The following DLG1 variants were observed in gnomAD, a reference collection of about 807,000 sequenced individuals.
DLG1 encodes the protein discs large MAGUK scaffold protein 1.
In DLG1, 42 loss-of-function variants were observed where a neutral mutation model predicts 123.4. The observed-to-expected ratio is 0.34, with a 90% CI of 0.27 to 0.44. The LOEUF (loss-of-function observed/expected upper bound fraction) is 0.44, where lower values mean the gene tolerates loss of function less well. Among genes scored for constraint, DLG1 ranks in the 20% least tolerant of loss-of-function variants. DLG1 has a pLI of 1.00. For synonymous variants in DLG1, 317 were observed against 356.2 expected (o/e 0.89, Z 1.24); for missense variants, 942 against 1,082.6 (o/e 0.87, Z 1.82).
chr3:197,293,949 G>A (rs369344008), intron 3 of DLG1: 5 of 152,782 alleles, frequency 3.3e-5, no homozygotes, highest in Admixed American at 1.3e-4. Context: ...CTTCTGAGTC[G>A]GATTTTTCTG....
intron 13 of DLG1, among the ~76,000 whole-genome samples, chr3:197,114,565 C>G (rs1448584248): frequency 2.0e-5 from 3 of 152,188 alleles, no homozygotes; most frequent in Non-Finnish European, 4.4e-5. Flanking sequence ...GGAACCATTG[C>G]TGAAAGCACA....
At chr3:197,080,266 CCT>C (rs1560519309) in intron 17 of DLG1, among the ~76,000 whole-genome samples, 1 of 100,846 alleles carries the variant, frequency 9.9e-6, no homozygotes, top group Non-Finnish European at 1.9e-5. Context: ...TGATATATTT[CCT>C]TTTTTTTTTT....
rs141698704 is a variant in DLG1 at position 197,148,945 on chromosome 3, AC to A, written c.537+797del. 5.3e-3 allele frequency among the ~76,000 whole-genome samples: 805 copies of A among 152,302 alleles called. 4 individuals are homozygous for A. The highest frequency in any genetic ancestry group is 8.3e-3 in the Non-Finnish European group (563 of 68,022). ...TGTCACCAGCAGAATGTACTGACAA[AC>A]TTTTTGCTCTTTTGATAACATAATG... On this transcript the variant is annotated intron_variant, in intron 6 of 24. Coordinates refer to ENST00000667157, the MANE Select transcript of DLG1 (RefSeq NM_001366207.1).
chr3:197,244,394 C>G (rs920107520), intron 4 of DLG1, among the ~76,000 whole-genome samples: 2 of 152,172 alleles, frequency 1.3e-5, no homozygotes, highest in Non-Finnish European at 2.9e-5. Flanking sequence ...GCATAGCAAT[C>G]ATTTTTGTTT....
chr3:197,281,203 A>C (rs897101355), intron 4 of DLG1, among the ~76,000 whole-genome samples: 1 of 152,076 alleles, frequency 6.6e-6, no homozygotes, highest in Non-Finnish European at 1.5e-5. Context: ...ATGCTCAGCT[A>C]ATTTTTGTAT....
At chr3:197,066,820 T>C in intron 19 of DLG1, 66 bp from the exon 20 acceptor site, 1 of 1,100,392 alleles carries the variant, frequency 9.1e-7, no homozygotes, top group African/African-American at 1.6e-5. Flanking sequence ...TAATTCTTCA[T>C]AAACAACATA....
intron 13 of DLG1, among the ~76,000 whole-genome samples, chr3:197,111,159 G>C (rs1190740431): frequency 2.0e-5 from 3 of 152,146 alleles, no homozygotes. Context: ...TAAACATAAT[G>C]CTGTATTTAA....
intron 4 of DLG1, among the ~76,000 whole-genome samples, chr3:197,272,802 T>C (rs1490265233): frequency 1.3e-5 from 2 of 152,200 alleles, no homozygotes; most frequent in Non-Finnish European, 2.9e-5. Context: ...ATCTATGATG[T>C]TGGAAATTTG....
At chr3:197,198,378 C>CT (rs991429615) in intron 4 of DLG1, among the ~76,000 whole-genome samples, 9 of 150,738 alleles carry the variant, frequency 6.0e-5, no homozygotes, top group African/African-American at 2.2e-4. Context: ...GTCCCAACTA[C>CT]TTGGGAGGCT....
chr3:197,175,703 A>G (rs962953276), intron 5 of DLG1, among the ~76,000 whole-genome samples: 32 of 152,196 alleles, frequency 2.1e-4, no homozygotes, highest in African/African-American at 7.2e-4. Context: ...ATACCAAGGG[A>G]AAAAACCACA....
At chr3:197,166,656 G>A (rs1303664090) in intron 5 of DLG1, among the ~76,000 whole-genome samples, 1 of 152,114 alleles carries the variant, frequency 6.6e-6, no homozygotes, top group African/African-American at 2.4e-5. Flanking sequence ...TTGGGAGGCG[G>A]AGGTGGGCGG....
chr3:197,132,158 T>C (rs894910981), intron 10 of DLG1, among the ~76,000 whole-genome samples: 7 of 152,282 alleles, frequency 4.6e-5, no homozygotes, highest in African/African-American at 1.4e-4. Flanking sequence ...GATTTTTTTT[T>C]CAAAGGACCA....
At chr3:197,149,867 G>T in intron 5 of DLG1, 71 bp from the exon 6 acceptor site, 1 of 899,320 alleles carries the variant, frequency 1.1e-6, no homozygotes, top group Non-Finnish European at 1.8e-6. Flanking sequence ...CAATGTTAGA[G>T]GCATAGGAAA....
intron 4 of DLG1, among the ~76,000 whole-genome samples, chr3:197,199,601 T>C (rs1329284482): frequency 6.6e-6 from 1 of 152,098 alleles, no homozygotes; most frequent in Non-Finnish European, 1.5e-5. Context: ...CCTGTAATTA[T>C]TCAAAAAAGA....
intron 7 of DLG1, among the ~76,000 whole-genome samples, chr3:197,142,379 A>G (rs1250617171): frequency 1.3e-5 from 2 of 152,184 alleles, no homozygotes; most frequent in Non-Finnish European, 1.5e-5. Context: ...GTTAATAATA[A>G]TGTATGAATA....
At chr3:197,131,798 T>G (rs1485366838) in intron 10 of DLG1, among the ~76,000 whole-genome samples, 8 of 151,542 alleles carry the variant, frequency 5.3e-5, no homozygotes, top group African/African-American at 1.9e-4. Context: ...TTTCACCGTT[T>G]TAGCCGGGAT....
intron 4 of DLG1, among the ~76,000 whole-genome samples, chr3:197,270,827 G>A (rs2151039201): frequency 6.6e-6 from 1 of 152,214 alleles, no homozygotes; most frequent in East Asian, 1.9e-4. Context: ...ATCACTGTGA[G>A]GTCTGCTTAC....
intron 23 of DLG1, among the ~76,000 whole-genome samples, chr3:197,056,965 G>A (rs1400786788): frequency 6.6e-6 from 1 of 152,184 alleles, no homozygotes; most frequent in Non-Finnish European, 1.5e-5. Flanking sequence ...TTCTGTATGT[G>A]GCTGGAGATT....
intron 23 of DLG1, among the ~76,000 whole-genome samples, chr3:197,057,822 C>T (rs1732851482): frequency 6.6e-6 from 1 of 151,826 alleles, no homozygotes; most frequent in Non-Finnish European, 1.5e-5. Context: ...ATTGATATGC[C>T]TTCTTTCTTT....
Sources: gnomAD v4.1 joint callset for allele counts (sites outside exome capture counted in the v4.1 genomes callset) on GRCh38, gnomAD v4.1.1 for gene constraint, MANE v1.5 for transcripts, NCBI Gene and HGNC (gene_info 2026-07-23, HGNC 2026-07-21) for gene names.